Variants in PRKCA observed in about 807,000 individuals in gnomAD.
PRKCA encodes the protein protein kinase C alpha type.
Under a neutral mutation model 87.0 loss-of-function variants are expected in PRKCA, and 27 were observed. The ratio of observed to expected loss-of-function variants is 0.31; its 90% CI spans 0.23 to 0.43. The LOEUF (loss-of-function observed/expected upper bound fraction) is 0.43. Among genes scored for constraint, PRKCA ranks in the 20% least tolerant of loss-of-function variants. The pLI, the probability that PRKCA is intolerant of heterozygous loss-of-function variation, is 1.00. For missense variants in PRKCA, 518 were observed against 852.3 expected, an observed-to-expected ratio of 0.61 and a Z score of 4.88; for synonymous variants, 329 against 311.1, an observed-to-expected ratio of 1.06 and a Z score of -0.61.
At chr17:66,404,406 T>TA (rs1911226730) in intron 2 of PRKCA, among the ~76,000 whole-genome samples, 1 of 152,214 alleles carries the variant, frequency 6.6e-6, no homozygotes, top group Non-Finnish European at 1.5e-5. Flanking sequence ...CTTCCTATGA[T>TA]AATACATTGC....
At chr17:66,311,083 C>CGA (rs2143140208) in intron 2 of PRKCA, among the ~76,000 whole-genome samples, 1 of 152,276 alleles carries the variant, frequency 6.6e-6, no homozygotes, top group South Asian at 2.1e-4. Flanking sequence ...AGGAGGGGTT[C>CGA]AGCCCTTGGT....
intron 2 of PRKCA, among the ~76,000 whole-genome samples, chr17:66,399,626 C>T (rs1910900889): frequency 6.6e-6 from 1 of 152,172 alleles, no homozygotes; most frequent in Non-Finnish European, 1.5e-5. Context: ...TCCTCTTCCT[C>T]CTAGGCTTTG....
intron 2 of PRKCA, among the ~76,000 whole-genome samples, chr17:66,406,585 GTTTTTTTTTTTT>G (rs71160568): frequency 1.4e-5 from 1 of 70,180 alleles, no homozygotes; most frequent in African/African-American, 4.6e-5. Flanking sequence ...GCTTTTCCAG[GTTTTTTTTTTTT>G]TTTTTTTTTT....
At chr17:66,313,366 A>G (rs928050427) in intron 2 of PRKCA, among the ~76,000 whole-genome samples, 2 of 152,248 alleles carry the variant, frequency 1.3e-5, no homozygotes, top group Non-Finnish European at 1.5e-5. Flanking sequence ...AAAGCTAAGC[A>G]TACTTATTCA....
chr17:66,471,511 A>G (rs1249791755), intron 2 of PRKCA, among the ~76,000 whole-genome samples: 1 of 152,256 alleles, frequency 6.6e-6, no homozygotes, highest in Non-Finnish European at 1.5e-5. Context: ...AGTATAGTCC[A>G]CAAGGAAAAG....
At chr17:66,773,890 A>G in intron 13 of PRKCA, 97 bp from the exon 14 acceptor site, 1 of 1,570,202 alleles carries the variant, frequency 6.4e-7, no homozygotes. Context: ...CATCTGCATG[A>G]ACTGAGTGTA....
At chr17:66,429,629 C>T (rs1912998521) in intron 2 of PRKCA, among the ~76,000 whole-genome samples, 1 of 152,036 alleles carries the variant, frequency 6.6e-6, no homozygotes, top group Non-Finnish European at 1.5e-5. Flanking sequence ...AACTTCCTCA[C>T]CTAAGGTCCA....
intron 2 of PRKCA, among the ~76,000 whole-genome samples, chr17:66,391,378 C>G (rs1243090586): frequency 6.6e-6 from 1 of 152,204 alleles, no homozygotes; most frequent in African/African-American, 2.4e-5. Flanking sequence ...ATGTTCCTCT[C>G]CTTCCTTACA....
intron 3 of PRKCA, among the ~76,000 whole-genome samples, chr17:66,509,783 C>T (rs1353469989): frequency 1.3e-5 from 2 of 152,154 alleles, no homozygotes; most frequent in Non-Finnish European, 2.9e-5. Context: ...CCATTTGCCA[C>T]AGGCAGACTT....
chr17:66,528,884 A>T (rs77462363), intron 3 of PRKCA, among the ~76,000 whole-genome samples: 5,858 of 152,328 alleles, frequency 0.038, 165 homozygotes, highest in East Asian at 0.084. Flanking sequence ...AAGAGGCAAC[A>T]GATGACTTTT....
chr17:66,313,501 T>C (rs1167899178), intron 2 of PRKCA, among the ~76,000 whole-genome samples: 1 of 152,234 alleles, frequency 6.6e-6, no homozygotes, highest in Non-Finnish European at 1.5e-5. Context: ...CTTTAGAATA[T>C]TATCCAAGCA....
intron 14 of PRKCA, chr17:66,777,393 CAA>C: frequency 2.0e-6 from 2 of 984,834 alleles, no homozygotes; most frequent in South Asian, 4.7e-5. Context: ...TGACTGACAT[CAA>C]AAGAGTGGTT....
At chr17:66,671,235 A>T (rs1043505073) in intron 5 of PRKCA, among the ~76,000 whole-genome samples, 3 of 146,774 alleles carry the variant, frequency 2.0e-5, no homozygotes, top group African/African-American at 7.6e-5. Flanking sequence ...AAAAAAAAAG[A>T]CTGAAAACAA....
In PRKCA at chr17:66,392,230, A is replaced by G. The variant is rs75691921; in HGVS notation, c.205+86103A>G. On this transcript the variant is annotated intron_variant, in intron 2 of 16. Coordinates refer to ENST00000413366, the MANE Select transcript of PRKCA (RefSeq NM_002737.3). ...GGGCGACAGAGCAAGACTGTGTCTC[A>G]ACAACAACAAAAAAAAAAATGTGGT... Among the ~76,000 whole-genome samples, 15 of 136,924 alleles carry G rather than the reference A, an allele frequency of 1.1e-4. No homozygotes were observed. The East Asian group carries it at 1.3e-3, about 12-fold the overall frequency. 89.8% of individuals were successfully genotyped at this position (136,924 alleles called of 152,430 possible).
At chr17:66,512,454 AAAAGT>A (rs1419045126) in intron 3 of PRKCA, among the ~76,000 whole-genome samples, 3 of 118,576 alleles carry the variant, frequency 2.5e-5, no homozygotes, top group Non-Finnish European at 5.4e-5. Context: ...CAACAACAAA[AAAAGT>A]GTGTGTGTGT....
chr17:66,414,012 C>CAA (rs5821528), intron 2 of PRKCA, among the ~76,000 whole-genome samples: 1 of 118,316 alleles, frequency 8.5e-6, no homozygotes, highest in African/African-American at 3.2e-5. Flanking sequence ...GACTGCATCT[C>CAA]AAAAAAAAAA....
chr17:66,765,432 A>ATCTATATATCTATC (rs1568020958), intron 13 of PRKCA, among the ~76,000 whole-genome samples: 1 of 131,214 alleles, frequency 7.6e-6, no homozygotes, highest in East Asian at 2.1e-4. Flanking sequence ...ATATATATAT[A>ATCTATATATCTATC]TATATATATA....
At chr17:66,595,301 A>G (rs1237391263) in intron 3 of PRKCA, among the ~76,000 whole-genome samples, 2 of 151,906 alleles carry the variant, frequency 1.3e-5, no homozygotes, top group African/African-American at 4.8e-5. Flanking sequence ...CCAAAATGCT[A>G]GGATTACAGG....
At chr17:66,602,460 C>T (rs1970072857) in intron 3 of PRKCA, among the ~76,000 whole-genome samples, 2 of 151,500 alleles carry the variant, frequency 1.3e-5, no homozygotes, top group South Asian at 2.1e-4. Flanking sequence ...TGACCTGCGC[C>T]CACTGTCTGG....
Sources: allele counts gnomAD v4.1 joint callset (sites outside exome capture counted in the v4.1 genomes callset), GRCh38; gene constraint gnomAD v4.1.1; transcripts MANE v1.5; gene names NCBI Gene and HGNC (gene_info 2026-07-23, HGNC 2026-07-21).